The following BICC1 variants were observed in gnomAD, a reference collection of about 807,000 sequenced individuals.
BICC1 encodes BicC family RNA binding protein 1.
Under a neutral mutation model 111.0 loss-of-function variants are expected in BICC1, and 43 were observed. The observed-to-expected ratio is 0.39, with a 90% CI of 0.30 to 0.50. The LOEUF (loss-of-function observed/expected upper bound fraction) is 0.50. BICC1 is among the 20% of genes least tolerant of loss of function. The pLI is 0.88. For missense variants in BICC1, 1,091 were observed against 1,203.2 expected (o/e 0.91, Z 1.38); for synonymous variants, 467 against 434.4 (o/e 1.07, Z -0.93).
At chr10:58,788,101 A>G (rs1261397100) in intron 5 of BICC1, among the ~76,000 whole-genome samples, 4 of 152,186 alleles carry the variant, frequency 2.6e-5, no homozygotes, top group Non-Finnish European at 5.9e-5. Context: ...GGGCAGGATG[A>G]TCTCCTGGGG....
intron 1 of BICC1, among the ~76,000 whole-genome samples, chr10:58,573,336 A>C (rs1844017948): frequency 6.6e-6 from 1 of 152,276 alleles, no homozygotes; most frequent in Non-Finnish European, 1.5e-5. Flanking sequence ...GGCTTTTGTC[A>C]TTACTGAAGA....
chr10:58,582,210 T>C (rs1453299375), intron 1 of BICC1, among the ~76,000 whole-genome samples: 21 of 152,208 alleles, frequency 1.4e-4, no homozygotes, highest in Admixed American at 1.4e-3. Context: ...ATATTGAATT[T>C]CAAATGATAT....
intron 1 of BICC1, among the ~76,000 whole-genome samples, chr10:58,590,949 C>T (rs971690143): frequency 1.1e-4 from 16 of 152,134 alleles, no homozygotes; most frequent in Middle Eastern, 6.3e-3. Flanking sequence ...CTTTGACCAC[C>T]GGTTCTCTCA....
intron 20 of BICC1, among the ~76,000 whole-genome samples, chr10:58,822,123 A>G (rs955126053): frequency 1.3e-5 from 2 of 152,098 alleles, no homozygotes; most frequent in Non-Finnish European, 2.9e-5. Context: ...ATTTATTTGC[A>G]GTTTGAAACG....
rs201925521 is a variant in BICC1 at position 58,633,045 on chromosome 10, T to C, written c.237+12144T>C. Among the ~76,000 whole-genome samples, 9 of 152,328 alleles carry C rather than the reference T, an allele frequency of 5.9e-5. No homozygotes were observed. In the East Asian group the frequency reaches 1.5e-3, roughly 26 times the overall value. On this transcript the variant is annotated intron_variant, in intron 2 of 20. Transcript: ENST00000373886. ...ACCCAAATCTCACCTTGGATTGTAA[T>C]AATCCCCACGTGTCAAGGGTGGGGC...
At chr10:58,544,478 T>C (rs915149006) in intron 1 of BICC1, among the ~76,000 whole-genome samples, 2 of 152,194 alleles carry the variant, frequency 1.3e-5, no homozygotes, top group Non-Finnish European at 2.9e-5. Context: ...TTGGAAAATA[T>C]GTCCGATTTT....
intron 3 of BICC1, among the ~76,000 whole-genome samples, chr10:58,778,038 G>A (rs1842793764): frequency 6.6e-6 from 1 of 151,806 alleles, no homozygotes; most frequent in Admixed American, 6.6e-5. Flanking sequence ...GGACAATGTG[G>A]TGAGGCACCC....
At chr10:58,600,146 T>G (rs1353701315) in intron 1 of BICC1, among the ~76,000 whole-genome samples, 1 of 152,114 alleles carries the variant, frequency 6.6e-6, no homozygotes, top group Non-Finnish European at 1.5e-5. Flanking sequence ...TGGGGGCTCC[T>G]CACAGTTCAT....
At chr10:58,522,562 A>G (rs1842420348) in intron 1 of BICC1, among the ~76,000 whole-genome samples, 1 of 152,220 alleles carries the variant, frequency 6.6e-6, no homozygotes, top group Admixed American at 6.5e-5. Context: ...AGCAGTGTGT[A>G]GAGGGAAATT....
rs776981708 is a variant in BICC1, at chr10:58,799,171, C to G, written c.1644C>G (p.Gly548=). ...ACACAGCTCCATCTCCCCCTCCTGG[C>G]TTGACTCCTGTTGATGTCCATATCA... The part of the protein sequence containing the change: ...YGHTAPSPPP[G]LTPVDVHINS... The change falls in exon 12 of 21, where the codon GGC becomes GGG. Residue 548 remains glycine, a synonymous_variant. Coordinates refer to ENST00000373886, the MANE Select transcript of BICC1 (RefSeq NM_001080512.3). The G allele has an allele frequency of 3.8e-5, 61 of 1,613,794 alleles. No individual in the cohort carries two copies. The highest frequency in any genetic ancestry group is 5.1e-5 in the Non-Finnish European group (60 of 1,179,938).
intron 2 of BICC1, among the ~76,000 whole-genome samples, chr10:58,693,734 T>G (rs997968241): frequency 5.9e-5 from 9 of 152,206 alleles, no homozygotes; most frequent in Admixed American, 4.6e-4. Context: ...TAAATTTGTT[T>G]GAGTTCACTG....
At chr10:58,685,281 T>C (rs1382197432) in intron 2 of BICC1, among the ~76,000 whole-genome samples, 3 of 152,236 alleles carry the variant, frequency 2.0e-5, no homozygotes, top group Non-Finnish European at 4.4e-5. Context: ...AGGAGTGCTT[T>C]ACTTCCAACT....
chr10:58,576,599 A>C (rs1217110650), intron 1 of BICC1, among the ~76,000 whole-genome samples: 1 of 152,194 alleles, frequency 6.6e-6, no homozygotes, highest in East Asian at 1.9e-4. Context: ...CTTCAGTTTA[A>C]ACTAGAGAAT....
At chr10:58,608,644 A>G (rs1305657058) in intron 1 of BICC1, among the ~76,000 whole-genome samples, 1 of 152,192 alleles carries the variant, frequency 6.6e-6, no homozygotes, top group Non-Finnish European at 1.5e-5. Context: ...CTTAGAGGTC[A>G]AAGTAGAAGG....
At chr10:58,810,611 C>T (rs534501606) in intron 17 of BICC1, among the ~76,000 whole-genome samples, 117 of 152,174 alleles carry the variant, frequency 7.7e-4, no homozygotes, top group African/African-American at 2.7e-3. Context: ...CTGTGTATGT[C>T]TTTTCCTTTA....
chr10:58,636,850 G>T (rs1470740857), intron 2 of BICC1, among the ~76,000 whole-genome samples: 1 of 151,854 alleles, frequency 6.6e-6, no homozygotes, highest in Non-Finnish European at 1.5e-5. Context: ...GTTGAAATAT[G>T]CACTCAAAAG....
intron 9 of BICC1, among the ~76,000 whole-genome samples, chr10:58,795,550 G>C (rs1240809274): frequency 6.6e-6 from 1 of 152,018 alleles, no homozygotes; most frequent in Non-Finnish European, 1.5e-5. Flanking sequence ...AAAATAGATT[G>C]TAAATGAGAA....
chr10:58,697,230 A>G (rs1840089494), intron 2 of BICC1, among the ~76,000 whole-genome samples: 1 of 152,124 alleles, frequency 6.6e-6, no homozygotes, highest in African/African-American at 2.4e-5. Flanking sequence ...CTTGGAAGTG[A>G]TTTTCTTGTC....
intron 3 of BICC1, among the ~76,000 whole-genome samples, chr10:58,731,199 C>G (rs1841283243): frequency 6.6e-6 from 1 of 152,202 alleles, no homozygotes; most frequent in Admixed American, 6.5e-5. Flanking sequence ...GGAGAACAAC[C>G]AGGCAAGCTT....
Sources: gnomAD v4.1 joint callset for allele counts (sites outside exome capture counted in the v4.1 genomes callset) on GRCh38, gnomAD v4.1.1 for gene constraint, MANE v1.5 for transcripts, NCBI Gene and HGNC (gene_info 2026-07-23, HGNC 2026-07-21) for gene names.